IQGAP2: variants seen among roughly 807,000 people sequenced by gnomAD.
The protein encoded by IQGAP2 is IQ motif containing GTPase activating protein 2.
Under a neutral mutation model 201.3 loss-of-function variants are expected in IQGAP2, and 173 were observed. That is an observed-to-expected ratio of 0.86 (90% CI 0.76 to 0.98). The LOEUF (loss-of-function observed/expected upper bound fraction) is 0.98, where lower values mean the gene tolerates loss of function less well. Ranked by LOEUF, IQGAP2 falls within the 50% of genes least tolerant of loss-of-function variation. The probability of loss-of-function intolerance (pLI) is 0.00; values close to 1 mark genes in which losing one functional copy is unlikely to be tolerated. For missense variants in IQGAP2, 1,687 were observed against 1,864.8 expected, an observed-to-expected ratio of 0.90 and a Z score of 1.76; for synonymous variants, 675 against 673.9, an observed-to-expected ratio of 1.00 and a Z score of -0.03.
chr5:76,562,346 A>G (rs1382572373), intron 2 of IQGAP2, 50 bp from the exon 3 acceptor site: 4 of 1,418,054 alleles, frequency 2.8e-6, no homozygotes, highest in Non-Finnish European at 9.8e-7. Flanking sequence ...TCATTTGCAG[A>G]AAGTTACCCA....
At position 76,531,962 on chromosome 5, in the gene IQGAP2, G is replaced by A. The variant is rs565875150; in HGVS notation, c.147-30434G>A. Among the ~76,000 whole-genome samples the A allele has an allele frequency of 8.7e-4, 132 of 152,294 alleles. 2 individuals carry two copies. The South Asian group carries it at 0.025, about 29-fold the overall frequency. ...TCCTCATAGATGGCTGTCTGCTCAC[G>A]TAATCTCACCTGGTGGACAGAGCCA... On this transcript the variant is annotated intron_variant, in intron 2 of 35. Transcript: ENST00000274364.
At chr5:76,436,513 ATATATTTTTTTT>A (rs1752697658) in intron 1 of IQGAP2, among the ~76,000 whole-genome samples, 1 of 22,604 alleles carries the variant, frequency 4.4e-5, no homozygotes, top group Non-Finnish European at 6.4e-5. Flanking sequence ...ATATATATAT[ATATATTTTTTTT>A]TTTTTTTTTT....
At chr5:76,684,447 C>T (rs1240897949) in intron 30 of IQGAP2, among the ~76,000 whole-genome samples, 1 of 152,202 alleles carries the variant, frequency 6.6e-6, no homozygotes, top group African/African-American at 2.4e-5. Context: ...AGCATTCACA[C>T]TTTAAATAAT....
rs1365242784 is a variant in IQGAP2 at position 76,413,332 on chromosome 5, C to T, written c.46+9741C>T. 2.0e-5 allele frequency among the ~76,000 whole-genome samples: 3 copies of T among 151,944 alleles called. No individual in the cohort carries two copies. The East Asian group carries it at 5.8e-4, about 29-fold the overall frequency. On this transcript the variant is annotated intron_variant, in intron 1 of 35. Coordinates refer to ENST00000274364, the MANE Select transcript of IQGAP2 (RefSeq NM_006633.5). ...TACAAGCACATGCCACCACACCAGG[C>T]TATTTTTTGTATTTTTAGTAGAGAT... is the stretch of plus-strand genomic sequence containing the variant.
intron 2 of IQGAP2, among the ~76,000 whole-genome samples, chr5:76,513,429 A>G (rs1758110005): frequency 6.6e-6 from 1 of 152,254 alleles, no homozygotes; most frequent in Admixed American, 6.5e-5. Context: ...AAAATCTGGC[A>G]TAATTCAAAC....
chr5:76,707,382 T>C lies in IQGAP2; in HGVS notation c.*69T>C, dbSNP rs1748000734. ...GAAATGAATTTGTTTAATATTTTTGTTTTTAAACATGATTGAAATCACTGC... is the reference window on the plus strand; with the variant it reads ...GAAATGAATTTGTTTAATATTTTTGCTTTTAAACATGATTGAAATCACTGC... On this transcript the variant is annotated 3_prime_UTR_variant, in exon 36 of 36. Transcript: ENST00000274364. 1 of 770,958 alleles carries C rather than the reference T, an allele frequency of 1.3e-6. No individual in the cohort carries two copies. Among genetic ancestry groups the C allele is most frequent in the Non-Finnish European group, 2.2e-6 (1 of 445,994 alleles). The allele number at this position is 770,958 out of a possible 1,614,324, so 47.8% of individuals were successfully genotyped here.
At chr5:76,459,335 T>A (rs1447490663) in intron 1 of IQGAP2, among the ~76,000 whole-genome samples, 11 of 151,994 alleles carry the variant, frequency 7.2e-5, no homozygotes, top group Admixed American at 5.2e-4. Flanking sequence ...ATAGGAAAGA[T>A]GGGGAGAGCA....
chr5:76,596,634 T>A (rs918527233), intron 9 of IQGAP2, among the ~76,000 whole-genome samples: 14 of 152,142 alleles, frequency 9.2e-5, no homozygotes, highest in African/African-American at 3.1e-4. Flanking sequence ...CTTACGATCA[T>A]GGCAGAAGGT....
chr5:76,577,491 T>C (rs144193824), intron 5 of IQGAP2, among the ~76,000 whole-genome samples: 16 of 152,364 alleles, frequency 1.1e-4, no homozygotes, highest in African/African-American at 3.8e-4. Flanking sequence ...TCACCAGATC[T>C]GATCTTAAGT....
intron 1 of IQGAP2, among the ~76,000 whole-genome samples, chr5:76,422,667 C>T (rs1580157504): frequency 6.6e-6 from 1 of 152,266 alleles, no homozygotes; most frequent in Admixed American, 6.5e-5. Flanking sequence ...GTCTCTGGCT[C>T]CCTTGTGCAA....
intron 1 of IQGAP2, among the ~76,000 whole-genome samples, chr5:76,408,432 A>G (rs4314381): frequency 0.76 from 115,790 of 152,196 alleles, 45,442 homozygotes; most frequent in East Asian, 1. Flanking sequence ...CCCTAGTACT[A>G]TGTCAAGGCC....
At chr5:76,672,140 C>G (rs1744384627) in intron 24 of IQGAP2, among the ~76,000 whole-genome samples, 157 bp downstream of exon 24, 1 of 152,236 alleles carries the variant, frequency 6.6e-6, no homozygotes, top group Admixed American at 6.5e-5. Flanking sequence ...CAAATTACAT[C>G]TTGATACTAA....
intron 2 of IQGAP2, among the ~76,000 whole-genome samples, chr5:76,498,397 C>T (rs1286438342): frequency 3.3e-5 from 5 of 152,164 alleles, no homozygotes; most frequent in Non-Finnish European, 5.9e-5. Context: ...AACTGAGGCT[C>T]AATAACTTGA....
intron 31 of IQGAP2, among the ~76,000 whole-genome samples, chr5:76,694,315 C>T (rs1746532084): frequency 1.3e-5 from 2 of 152,038 alleles, no homozygotes; most frequent in Admixed American, 1.3e-4. Context: ...AACTTCAAAT[C>T]ACACGTTTGT....
At chr5:76,588,019 T>C (rs1746371823) in intron 5 of IQGAP2, among the ~76,000 whole-genome samples, 3 of 151,902 alleles carry the variant, frequency 2.0e-5, no homozygotes, top group Admixed American at 2.0e-4. Context: ...AAATGACTAA[T>C]CATACATTTT....
At chr5:76,544,729 A>C (rs1417077315) in intron 2 of IQGAP2, among the ~76,000 whole-genome samples, 2 of 152,290 alleles carry the variant, frequency 1.3e-5, no homozygotes, top group Non-Finnish European at 2.9e-5. Flanking sequence ...CAAAATGTAA[A>C]AGGCCCAAAG....
intron 1 of IQGAP2, among the ~76,000 whole-genome samples, chr5:76,438,666 C>T (rs912386013): frequency 6.6e-6 from 1 of 152,158 alleles, no homozygotes; most frequent in African/African-American, 2.4e-5. Context: ...TGGTCTCAAA[C>T]TCCTGACTTC....
intron 9 of IQGAP2, among the ~76,000 whole-genome samples, chr5:76,593,466 G>A (rs1179957766): frequency 2.0e-5 from 3 of 152,110 alleles, no homozygotes; most frequent in African/African-American, 7.2e-5. Context: ...GAGCCTCTGT[G>A]GAGTCAAGCA....
At chr5:76,467,078 C>T (rs934371348) in intron 2 of IQGAP2, among the ~76,000 whole-genome samples, 5 of 152,060 alleles carry the variant, frequency 3.3e-5, no homozygotes, top group African/African-American at 1.2e-4. Flanking sequence ...TGGTGAAACC[C>T]CATCGCTACA....
Sources: allele counts gnomAD v4.1 joint callset (sites outside exome capture counted in the v4.1 genomes callset), GRCh38; gene constraint gnomAD v4.1.1; transcripts MANE v1.5; gene names NCBI Gene and HGNC (gene_info 2026-07-23, HGNC 2026-07-21).